DNAAF9: variants seen among roughly 807,000 people sequenced by gnomAD.
The protein encoded by DNAAF9 is shulin.
In DNAAF9, 90 loss-of-function variants were observed where a neutral mutation model predicts 167.0. The observed-to-expected ratio is 0.54, with a 90% CI of 0.45 to 0.64. The LOEUF (loss-of-function observed/expected upper bound fraction) is 0.64, where lower values mean the gene tolerates loss of function less well. Ranked by LOEUF, DNAAF9 falls within the 30% of genes least tolerant of loss-of-function variation. The pLI is 0.00. For missense variants in DNAAF9, 1,315 were observed against 1,442.2 expected (o/e 0.91, Z 1.43); for synonymous variants, 491 against 508.8 (o/e 0.96, Z 0.47).
rs575710300 is a variant in DNAAF9, at chr20:3,324,951, C to T, written c.1206G>A (p.Glu402=). 24 of 1,602,352 alleles carry T rather than the reference C, an allele frequency of 1.5e-5. No individual in the cohort carries two copies. In the East Asian group the frequency reaches 3.6e-4, roughly 24 times the overall value. The change falls in exon 14 of 37, where the codon GAG becomes GAA. Residue 402 remains glutamate (E), a synonymous_variant. Transcript: ENST00000252032. ...SSLTKAKEVA[E]QTLGSGLDSF... ...AATCTAACCCAGATCCCAGAGTTTG[C>T]TCTGCTACCTCCTTGGCCTGTAAAA...
In DNAAF9 at chr20:3,316,790, C is replaced by T. The variant is rs369640465; in HGVS notation, c.1472G>A (p.Gly491Asp). ...GGAGCTGGTTTCTGTGGTAACAGTG[C>T]CATCTGCAGGAACACCACACACATG... ...TSQILVKEKD[G>D]TVTTETSSVV... The change falls in exon 18 of 37, where the codon GGC (glycine) becomes GAC (aspartate). Residue 491 changes from glycine to aspartate, a missense_variant. Physicochemically the swap from Gly to Asp is moderately conservative, Grantham distance 94. Transcript: ENST00000252032. 1 of 1,612,352 alleles carries T rather than the reference C, an allele frequency of 6.2e-7. No individual in the cohort carries two copies. Among genetic ancestry groups the T allele is most frequent in the Admixed American group, 1.7e-5 (1 of 59,994 alleles).
rs2083433240 is a variant in DNAAF9, at chr20:3,366,370, A to T, written c.613-6777T>A. 2.0e-5 allele frequency among the ~76,000 whole-genome samples: 3 copies of T among 150,850 alleles called. No homozygotes were observed. The South Asian group carries it at 6.3e-4, about 32-fold the overall frequency. On this transcript the variant is annotated intron_variant, in intron 6 of 36. Transcript: ENST00000252032. ...CAATCAGCAGTAATACTTGAAAGGA[A>T]TTTTTTTTTTCTGAGAAGTAGGACT...
chr20:3,353,611 G>A (rs954852304), intron 7 of DNAAF9, among the ~76,000 whole-genome samples: 3 of 144,876 alleles, frequency 2.1e-5, no homozygotes, highest in African/African-American at 7.8e-5. Flanking sequence ...CTGGGTAATA[G>A]AGTGAGACCC....
intron 1 of DNAAF9, among the ~76,000 whole-genome samples, chr20:3,385,423 A>G (rs1240115362): frequency 6.6e-6 from 1 of 152,022 alleles, no homozygotes; most frequent in Non-Finnish European, 1.5e-5. Context: ...AATCAATTGT[A>G]ATTTTTTTTT....
intron 28 of DNAAF9, among the ~76,000 whole-genome samples, chr20:3,280,868 T>C (rs967227481): frequency 1.3e-5 from 2 of 152,078 alleles, no homozygotes; most frequent in African/African-American, 4.8e-5. Context: ...CAACCTTCCA[T>C]CTTCCAAGTG....
At chr20:3,263,183 C>A (rs1239065530) in intron 31 of DNAAF9, among the ~76,000 whole-genome samples, 1 of 151,968 alleles carries the variant, frequency 6.6e-6, no homozygotes, top group Non-Finnish European at 1.5e-5. Context: ...ACCACGTTAG[C>A]CAGGATGGTC....
At chr20:3,395,261 G>A (rs1165832839) in intron 1 of DNAAF9, among the ~76,000 whole-genome samples, 14 of 148,980 alleles carry the variant, frequency 9.4e-5, no homozygotes, top group African/African-American at 3.5e-4. Flanking sequence ...GTGAGCCACC[G>A]CGCCTGGCCG....
intron 25 of DNAAF9, among the ~76,000 whole-genome samples, chr20:3,292,016 T>G (rs1374070392): frequency 6.6e-6 from 1 of 151,812 alleles, no homozygotes; most frequent in African/African-American, 2.4e-5. Context: ...TTTTTTTTTT[T>G]GAGATGGAGT....
chr20:3,402,108 A>G (rs2083996287), intron 1 of DNAAF9, among the ~76,000 whole-genome samples: 1 of 151,946 alleles, frequency 6.6e-6, no homozygotes, highest in Admixed American at 6.6e-5. Context: ...GTGGGAATCT[A>G]TTTTCCTTCA....
At chr20:3,340,386 C>T in intron 10 of DNAAF9, 118 bp downstream of exon 10, 1 of 798,822 alleles carries the variant, frequency 1.3e-6, no homozygotes, top group Non-Finnish European at 2.0e-6. Flanking sequence ...ACTTCAAATT[C>T]AGGGTTAAAT....
intron 33 of DNAAF9, among the ~76,000 whole-genome samples, chr20:3,257,060 G>A (rs2068294376): frequency 6.6e-6 from 1 of 152,142 alleles, no homozygotes; most frequent in Non-Finnish European, 1.5e-5. Flanking sequence ...AGGTCACACA[G>A]ATGAGAATGG....
At chr20:3,343,307 C>T (rs1205659384) in intron 9 of DNAAF9, among the ~76,000 whole-genome samples, 4 of 152,058 alleles carry the variant, frequency 2.6e-5, no homozygotes, top group South Asian at 2.1e-4. Flanking sequence ...GGATTACAGG[C>T]GCATGCCACC....
rs1432277184 is a variant in DNAAF9, at chr20:3,310,309, AAAG to A, written c.1678+4721_1678+4723del. Among the ~76,000 whole-genome samples, 3 of 128,280 alleles carry A rather than the reference AAAG, an allele frequency of 2.3e-5. No individual in the cohort carries two copies. In the Admixed American group the frequency reaches 2.4e-4, roughly 10 times the overall value. The allele number at this position is 128,280 out of a possible 152,430, so 84.2% of individuals were successfully genotyped here. Reference sequence around the variant, plus strand: ...AAGAAAGAAAAGAAAAAAGAAAAGGAAAGAAAGAAAGGAAAGAGAAAGAAAAAG... The same window carrying A: ...AAGAAAGAAAAGAAAAAAGAAAAGGAAAAGAAAGGAAAGAGAAAGAAAAAG... On this transcript the variant is annotated intron_variant, in intron 20 of 36. Transcript: ENST00000252032.
chr20:3,271,262 A>AT (rs1376025222), intron 29 of DNAAF9, among the ~76,000 whole-genome samples: 1 of 152,296 alleles, frequency 6.6e-6, no homozygotes, highest in Non-Finnish European at 1.5e-5. Context: ...AACTCACCAT[A>AT]TAACAGGGGT....
At chr20:3,388,922 TAGA>T (rs550277968) in intron 1 of DNAAF9, among the ~76,000 whole-genome samples, 125 of 152,308 alleles carry the variant, frequency 8.2e-4, no homozygotes, top group African/African-American at 2.9e-3. Flanking sequence ...ATTGTACACT[TAGA>T]AGTAGTTAAA....
At chr20:3,386,565 T>C (rs895934388) in intron 1 of DNAAF9, among the ~76,000 whole-genome samples, 2 of 152,136 alleles carry the variant, frequency 1.3e-5, no homozygotes, top group Non-Finnish European at 2.9e-5. Flanking sequence ...GAAGAGTTCT[T>C]ACACTTGACA....
At chr20:3,369,178 C>T (rs537653712) in intron 6 of DNAAF9, among the ~76,000 whole-genome samples, 3 of 151,398 alleles carry the variant, frequency 2.0e-5, no homozygotes, top group East Asian at 1.9e-4. Context: ...TGAAATGTCA[C>T]GGACAGATTT....
At chr20:3,294,858 G>C (rs1185483387) in intron 23 of DNAAF9, among the ~76,000 whole-genome samples, 1 of 151,954 alleles carries the variant, frequency 6.6e-6, no homozygotes, top group Non-Finnish European at 1.5e-5. Context: ...CTGATTCTCG[G>C]TGATTTCACC....
At chr20:3,265,029 C>A (rs2068463279) in intron 30 of DNAAF9, among the ~76,000 whole-genome samples, 1 of 152,190 alleles carries the variant, frequency 6.6e-6, no homozygotes, top group Non-Finnish European at 1.5e-5. Flanking sequence ...CAAGGACATT[C>A]TCTTACAGAA....
Sources: gnomAD v4.1 joint callset for allele counts (sites outside exome capture counted in the v4.1 genomes callset) on GRCh38, gnomAD v4.1.1 for gene constraint, MANE v1.5 for transcripts, NCBI Gene and HGNC (gene_info 2026-07-23, HGNC 2026-07-21) for gene names.